CACNA1A: variants seen among roughly 807,000 people sequenced by gnomAD.
CACNA1A encodes voltage-dependent P/Q-type calcium channel subunit alpha-1A.
A neutral mutation model predicts 262.4 loss-of-function variants in CACNA1A; 57 were observed. The observed-to-expected ratio is 0.22, with a 90% CI of 0.18 to 0.27. The LOEUF is 0.27. CACNA1A is among the 10% of genes least tolerant of loss of function. The pLI is 1.00. For missense variants in CACNA1A, 2,526 were observed against 3,562.8 expected, an observed-to-expected ratio of 0.71 and a Z score of 7.41; for synonymous variants, 1,431 against 1,419.3, an observed-to-expected ratio of 1.01 and a Z score of -0.18.
chr19:13,216,138 G>A (rs8101698), intron 38 of CACNA1A, among the ~76,000 whole-genome samples: 124,461 of 151,852 alleles, frequency 0.82, 51,202 homozygotes, highest in Middle Eastern at 0.91. Context: ...CATGCCCTTG[G>A]CCTGCAGCCA....
At chr19:13,479,546 A>T (rs543710413) in intron 1 of CACNA1A, among the ~76,000 whole-genome samples, 1 of 152,226 alleles carries the variant, frequency 6.6e-6, no homozygotes, top group Non-Finnish European at 1.5e-5. Context: ...GCTTTCTCCC[A>T]AGGCAGAGAA....
At chr19:13,492,566 G>A (rs1409056212) in intron 1 of CACNA1A, among the ~76,000 whole-genome samples, 1 of 152,152 alleles carries the variant, frequency 6.6e-6, no homozygotes, top group Non-Finnish European at 1.5e-5. Context: ...AGTGTGCAAA[G>A]ACTTCTCTAC....
intron 3 of CACNA1A, among the ~76,000 whole-genome samples, chr19:13,398,586 A>G (rs2059847431): frequency 6.6e-6 from 1 of 152,188 alleles, no homozygotes; most frequent in African/African-American, 2.4e-5. Flanking sequence ...TGGAAAGCAG[A>G]GAAGTATAGT....
chr19:13,207,862 CTGCTGCTGCTGCTG>C lies in CACNA1A; in HGVS notation c.6958_6971del (p.Gln2320AlafsTer178), dbSNP rs1283645175. On this transcript the variant is annotated frameshift_variant, in exon 47 of 47. Coordinates refer to ENST00000360228, the MANE Select transcript of CACNA1A (RefSeq NM_001127222.2). LOFTEE classifies it low-confidence loss of function (END_TRUNC). The surrounding 1 kb of genome is among the most constrained non-coding windows in gnomAD (Gnocchi z 5.7). ...CCCGGCCCGGCCTGGCCACCGCCTG[CTGCTGCTGCTGCTG>C]CTGCTGCTGCTGCTGCTGCTGCGGG... 3.4e-5 allele frequency: 10 copies of C among 294,246 alleles called. No homozygotes were observed. Among genetic ancestry groups the C allele is most frequent in the Non-Finnish European group, 4.3e-5 (10 of 230,066 alleles). 18.2% of individuals were successfully genotyped at this position (294,246 alleles called of 1,614,324 possible).
At chr19:13,349,685 T>C (rs957627783) in intron 6 of CACNA1A, among the ~76,000 whole-genome samples, 1 of 152,220 alleles carries the variant, frequency 6.6e-6, no homozygotes, top group African/African-American at 2.4e-5. Context: ...TCTGAGGATG[T>C]TGACACTGAG....
chr19:13,489,593 C>A (rs1489735121), intron 1 of CACNA1A, among the ~76,000 whole-genome samples: 1 of 152,176 alleles, frequency 6.6e-6, no homozygotes, highest in Non-Finnish European at 1.5e-5. Context: ...TGTAAGTGAT[C>A]CAAGACTATG....
chr19:13,218,035 C>T (rs1395720363), intron 38 of CACNA1A, among the ~76,000 whole-genome samples: 2 of 150,626 alleles, frequency 1.3e-5, no homozygotes, highest in East Asian at 1.9e-4. Context: ...CTCAGCCTCC[C>T]AAAGTGCTGG....
At chr19:13,340,364 G>A (rs1400367317) in intron 6 of CACNA1A, among the ~76,000 whole-genome samples, 1 of 151,822 alleles carries the variant, frequency 6.6e-6, no homozygotes, top group Non-Finnish European at 1.5e-5. Flanking sequence ...TGAACCCCAG[G>A]AGTGGGTATA....
At chr19:13,468,260 C>T (rs573065432) in intron 1 of CACNA1A, among the ~76,000 whole-genome samples, 7 of 151,764 alleles carry the variant, frequency 4.6e-5, no homozygotes, top group Admixed American at 4.6e-4. Flanking sequence ...GAACTGAAGA[C>T]CTTCTCCCTG....
intron 4 of CACNA1A, 56 bp downstream of exon 4, chr19:13,371,632 T>C: frequency 7.7e-7 from 1 of 1,302,346 alleles, no homozygotes; most frequent in Non-Finnish European, 1.1e-6. Context: ...TAGGGGAAAC[T>C]GAGGGCTCCT....
At chr19:13,268,434 A>ATT (rs5827184) in intron 24 of CACNA1A, among the ~76,000 whole-genome samples, 1 of 136,004 alleles carries the variant, frequency 7.4e-6, no homozygotes, top group East Asian at 2.1e-4. Flanking sequence ...GAAGTTAGTG[A>ATT]TTTTTTTTTT....
chr19:13,231,002 G>T (rs67340105), intron 35 of CACNA1A, among the ~76,000 whole-genome samples: 134,926 of 148,708 alleles, frequency 0.91, 61,220 homozygotes, highest in African/African-American at 0.95. Flanking sequence ...TTTTTTTTTT[G>T]TTTGTTTTTG....
At chr19:13,208,579 G>A (rs986407169) in intron 46 of CACNA1A, among the ~76,000 whole-genome samples, 177 bp downstream of exon 46, 1 of 152,032 alleles carries the variant, frequency 6.6e-6, no homozygotes. Flanking sequence ...TGGTGTGGTG[G>A]GGATCCGTGT....
chr19:13,335,227 C>A (rs761285414), intron 7 of CACNA1A, among the ~76,000 whole-genome samples: 4 of 152,174 alleles, frequency 2.6e-5, no homozygotes, highest in Non-Finnish European at 4.4e-5. Flanking sequence ...TAGGTCCCAC[C>A]TCTTCCTGTT....
At chr19:13,243,076 T>C (rs2056124115) in intron 31 of CACNA1A, among the ~76,000 whole-genome samples, 1 of 152,250 alleles carries the variant, frequency 6.6e-6, no homozygotes, top group Non-Finnish European at 1.5e-5. Flanking sequence ...TTCTAACCTC[T>C]TGACCCAAAG....
At position 13,262,835 on chromosome 19, in the gene CACNA1A, T is replaced by C. The variant is rs1057524483; in HGVS notation, c.3990-2A>G. 7 of 1,598,892 alleles carry C rather than the reference T, an allele frequency of 4.4e-6. No homozygotes were observed. The highest frequency in any genetic ancestry group is 2.2e-5 in the South Asian group (2 of 90,174). ...ATGTCTTTTCCTTTGCTATTGCCACTGTGGAGGAATGTTTAGGTGGGAAGA... is the reference window on the plus strand; with the variant it reads ...ATGTCTTTTCCTTTGCTATTGCCACCGTGGAGGAATGTTTAGGTGGGAAGA... On this transcript the variant is annotated splice_acceptor_variant, in intron 24 of 46. Transcript: ENST00000360228. LOFTEE classifies it high-confidence loss of function.
rs2057375896 is a variant in CACNA1A, at chr19:13,285,325, T to C, written c.3554-119A>G. On this transcript the variant is annotated intron_variant, in intron 20 of 46. Coordinates refer to ENST00000360228, the MANE Select transcript of CACNA1A (RefSeq NM_001127222.2). ...TGACATTTCTAAAGTGCCTGCTGTA[T>C]ATACCAGGCATCTTATGACATCACT... 1.3e-5 allele frequency: 13 copies of C among 1,039,424 alleles called. No individual in the cohort carries two copies. In the Admixed American group the frequency reaches 2.2e-4, roughly 17 times the overall value. 64.4% of individuals were successfully genotyped at this position (1,039,424 alleles called of 1,614,324 possible). A position where few individuals can be genotyped will look rare whatever the true frequency, so the allele number is the denominator to read the frequency against.
intron 1 of CACNA1A, among the ~76,000 whole-genome samples, chr19:13,456,468 C>T (rs943685776): frequency 5.9e-5 from 9 of 151,912 alleles, no homozygotes; most frequent in Middle Eastern, 3.4e-3. Flanking sequence ...GTCAGGAGAT[C>T]GAGACCATCC....
At chr19:13,345,391 A>C (rs1480024026) in intron 6 of CACNA1A, among the ~76,000 whole-genome samples, 5 of 152,138 alleles carry the variant, frequency 3.3e-5, no homozygotes, top group Admixed American at 3.3e-4. Flanking sequence ...ATAGTATTTT[A>C]AGTAAATAAC....
Sources: gnomAD v4.1 joint callset for allele counts (sites outside exome capture counted in the v4.1 genomes callset) on GRCh38, gnomAD v4.1.1 for gene constraint, Gnocchi (gnomAD v3.1) non-coding constraint, MANE v1.5 for transcripts, NCBI Gene and HGNC (gene_info 2026-07-23, HGNC 2026-07-21) for gene names.